TENM3: variants seen among roughly 807,000 people sequenced by gnomAD.
The protein encoded by TENM3 is teneurin transmembrane protein 3.
In TENM3, 63 loss-of-function variants were observed where a neutral mutation model predicts 255.1. The ratio of observed to expected loss-of-function variants is 0.25; its 90% CI spans 0.20 to 0.30. The LOEUF is 0.30. Among genes scored for constraint, TENM3 ranks in the 10% least tolerant of loss-of-function variants. The pLI, the probability that TENM3 is intolerant of heterozygous loss-of-function variation, is 1.00. For synonymous variants in TENM3, 1,306 were observed against 1,322.3 expected (o/e 0.99, Z 0.27); for missense variants, 2,929 against 3,461.1 (o/e 0.85, Z 3.86).
chr4:181,481,502 C>T, the TENM3 span, among the ~76,000 whole-genome samples: 1 of 152,148 alleles, frequency 6.6e-6, no homozygotes, highest in Non-Finnish European at 1.5e-5. Context: ...AGAGGCACGG[C>T]CATTTGCTGT....
chr4:181,974,422 G>C, the TENM3 span, among the ~76,000 whole-genome samples: 1 of 152,044 alleles, frequency 6.6e-6, no homozygotes, highest in Admixed American at 6.6e-5. Flanking sequence ...ACAAAAATTA[G>C]TCAGGCATGC....
intron 1 of TENM3, among the ~76,000 whole-genome samples, chr4:182,224,158 A>T (rs1561215165): frequency 6.6e-6 from 1 of 152,206 alleles, no homozygotes; most frequent in African/African-American, 2.4e-5. Flanking sequence ...AAAATGAGGC[A>T]ATCATTTCTC....
chr4:182,775,594 G>A lies in TENM3; in HGVS notation c.5304+441G>A, dbSNP rs917269173. Among the ~76,000 whole-genome samples, 3 of 152,226 alleles carry A rather than the reference G, an allele frequency of 2.0e-5. No homozygotes were observed. In the South Asian group the frequency reaches 6.2e-4, roughly 32 times the overall value. ...GCTTCCCAGGGCCCCTGCTGCCTTG[G>A]GCCACTGCAAACGCAAGGCTAGTTC... is the stretch of plus-strand genomic sequence containing the variant. On this transcript the variant is annotated intron_variant, in intron 24 of 27. Transcript: ENST00000511685.
intron 3 of TENM3, among the ~76,000 whole-genome samples, chr4:182,423,186 A>G (rs1770968411): frequency 6.6e-6 from 1 of 151,970 alleles, no homozygotes. Flanking sequence ...GTGTGTATGA[A>G]TTTTTTAAAA....
intron 1 of TENM3, among the ~76,000 whole-genome samples, chr4:182,223,022 A>C (rs1755935612): frequency 1.3e-5 from 2 of 152,280 alleles, no homozygotes; most frequent in South Asian, 4.2e-4. Context: ...GGTCTGCACA[A>C]ATAGGAAGCA....
chr4:182,750,109 T>A (rs1232315795), intron 19 of TENM3, among the ~76,000 whole-genome samples: 2 of 152,214 alleles, frequency 1.3e-5, no homozygotes, highest in African/African-American at 4.8e-5. Context: ...ATTGTAGGCA[T>A]CAGCTTAGGA....
chr4:181,570,040 T>TC, the TENM3 span, among the ~76,000 whole-genome samples: 3 of 145,740 alleles, frequency 2.1e-5, no homozygotes, highest in East Asian at 3.9e-4. Context: ...TGTTTCTTTT[T>TC]TTTTTTTTTT....
intron 2 of TENM3, among the ~76,000 whole-genome samples, 193 bp from the exon 3 acceptor site, chr4:182,346,458 G>T (rs1240851657): frequency 6.6e-6 from 1 of 151,878 alleles, no homozygotes; most frequent in Non-Finnish European, 1.5e-5. Context: ...TTGGGGCCCC[G>T]CCCTCCTCCC....
chr4:182,633,967 C>T (rs1262697212), intron 5 of TENM3, among the ~76,000 whole-genome samples: 1 of 152,086 alleles, frequency 6.6e-6, no homozygotes, highest in Non-Finnish European at 1.5e-5. Flanking sequence ...GCCTAGGAAT[C>T]GCCTGGGGAC....
At chr4:182,448,524 G>A (rs1005434509) in intron 3 of TENM3, among the ~76,000 whole-genome samples, 2 of 152,212 alleles carry the variant, frequency 1.3e-5, no homozygotes, top group Non-Finnish European at 2.9e-5. Flanking sequence ...AGCAGGGGTC[G>A]GGATCCGTTC....
the TENM3 span, among the ~76,000 whole-genome samples, chr4:181,918,257 CAT>C: frequency 6.6e-6 from 1 of 152,056 alleles, no homozygotes; most frequent in African/African-American, 2.4e-5. Flanking sequence ...CAGTAAATAA[CAT>C]AATAAAAGAT....
chr4:182,692,982 T>C (rs1757121648), intron 12 of TENM3, among the ~76,000 whole-genome samples: 1 of 152,190 alleles, frequency 6.6e-6, no homozygotes, highest in African/African-American at 2.4e-5. Context: ...TCTGCTTTAT[T>C]TGGAAAACTA....
intron 3 of TENM3, among the ~76,000 whole-genome samples, chr4:182,376,659 G>A (rs1056636778): frequency 1.3e-5 from 2 of 152,146 alleles, no homozygotes; most frequent in Non-Finnish European, 2.9e-5. Context: ...GAGCAGCAAC[G>A]TGGCAGAGGA....
At chr4:182,749,807 C>T (rs1762250143) in intron 19 of TENM3, among the ~76,000 whole-genome samples, 1 of 152,110 alleles carries the variant, frequency 6.6e-6, no homozygotes, top group African/African-American at 2.4e-5. Flanking sequence ...TGTATGCATA[C>T]CATGTACACA....
the TENM3 span, among the ~76,000 whole-genome samples, chr4:181,822,962 G>A: frequency 6.6e-6 from 1 of 152,126 alleles, no homozygotes; most frequent in African/African-American, 2.4e-5. Context: ...ACAATCGTAT[G>A]TGGCAATGAG....
the TENM3 span, among the ~76,000 whole-genome samples, chr4:181,834,693 A>T: frequency 6.6e-6 from 1 of 152,300 alleles, no homozygotes; most frequent in African/African-American, 2.4e-5. Context: ...GCTCTTCAAG[A>T]GATGGAAAGT....
the TENM3 span, among the ~76,000 whole-genome samples, chr4:181,811,485 G>A: frequency 6.6e-6 from 1 of 152,272 alleles, no homozygotes; most frequent in African/African-American, 2.4e-5. Flanking sequence ...TAAAGAAAAT[G>A]CATTTTGAGT....
chr4:182,603,087 C>T (rs988718186), intron 4 of TENM3, among the ~76,000 whole-genome samples: 2 of 152,144 alleles, frequency 1.3e-5, no homozygotes, highest in Middle Eastern at 3.4e-3. Context: ...TCTTGTTATT[C>T]GTCTTATTGC....
chr4:182,753,359 G>T (rs960397806), intron 20 of TENM3, 91 bp from the exon 21 acceptor site: 71 of 1,126,146 alleles, frequency 6.3e-5, no homozygotes, highest in Non-Finnish European at 8.3e-5. Flanking sequence ...TGTCACTGGG[G>T]TTAAATAACT....
Sources: gnomAD v4.1 joint callset for allele counts (sites outside exome capture counted in the v4.1 genomes callset) on GRCh38, gnomAD v4.1.1 for gene constraint, MANE v1.5 for transcripts, NCBI Gene and HGNC (gene_info 2026-07-23, HGNC 2026-07-21) for gene names.